The following PRKN variants were observed in gnomAD, a reference collection of about 807,000 sequenced individuals.
PRKN encodes parkin RBR E3 ubiquitin protein ligase, also known as E3 ubiquitin-protein ligase parkin.
In PRKN, 56 loss-of-function variants were observed where a neutral mutation model predicts 59.5. That is an observed-to-expected ratio of 0.94 (90% CI 0.76 to 1.18). The LOEUF is 1.18. Among genes scored for constraint, PRKN ranks in the 50% most tolerant of loss-of-function variants. The pLI is 0.00. For missense variants in PRKN, 657 were observed against 596.4 expected, an observed-to-expected ratio of 1.10 and a Z score of -1.06; for synonymous variants, 250 against 222.1, an observed-to-expected ratio of 1.13 and a Z score of -1.12.
intron 4 of PRKN, among the ~76,000 whole-genome samples, chr6:162,169,615 T>C (rs1783165171): frequency 6.6e-6 from 1 of 152,172 alleles, no homozygotes; most frequent in Non-Finnish European, 1.5e-5. Context: ...GATATGCAGG[T>C]GTAGGAGTTG....
intron 10 of PRKN, among the ~76,000 whole-genome samples, chr6:161,384,194 T>C (rs945221206): frequency 6.6e-6 from 1 of 152,208 alleles, no homozygotes; most frequent in African/African-American, 2.4e-5. Flanking sequence ...TCTTACTCTT[T>C]GTCCCGAGGG....
chr6:162,092,422 G>T (rs181400679), intron 4 of PRKN, among the ~76,000 whole-genome samples: 1 of 152,094 alleles, frequency 6.6e-6, no homozygotes, highest in Non-Finnish European at 1.5e-5. Context: ...TTGTTTTGAC[G>T]AAGTAACATT....
At chr6:162,433,457 A>G (rs924829932) in intron 2 of PRKN, among the ~76,000 whole-genome samples, 7 of 152,178 alleles carry the variant, frequency 4.6e-5, no homozygotes, top group Non-Finnish European at 1.0e-4. Flanking sequence ...ATTTATATAT[A>G]GCAATAAGCA....
intron 9 of PRKN, among the ~76,000 whole-genome samples, chr6:161,512,790 G>A (rs963978077): frequency 6.6e-6 from 1 of 152,182 alleles, no homozygotes; most frequent in Non-Finnish European, 1.5e-5. Context: ...GGCCTCCCTG[G>A]TGCACACAGC....
chr6:162,399,463 C>T (rs1562733678), intron 2 of PRKN, among the ~76,000 whole-genome samples: 1 of 152,012 alleles, frequency 6.6e-6, no homozygotes, highest in African/African-American at 2.4e-5. Context: ...TGCTCTACGC[C>T]CCACCACATA....
chr6:161,795,874 G>A (rs1294405627), intron 6 of PRKN, among the ~76,000 whole-genome samples: 1 of 152,160 alleles, frequency 6.6e-6, no homozygotes, highest in African/African-American at 2.4e-5. Context: ...TTCAGATGGA[G>A]TAAAATTAGG....
chr6:161,621,319 G>A (rs753009479), intron 7 of PRKN, among the ~76,000 whole-genome samples: 5 of 152,184 alleles, frequency 3.3e-5, no homozygotes, highest in East Asian at 1.9e-4. Context: ...GATGCTGGTC[G>A]TGTGGCTCAG....
At chr6:161,861,307 C>T (rs1793887344) in intron 6 of PRKN, among the ~76,000 whole-genome samples, 1 of 152,140 alleles carries the variant, frequency 6.6e-6, no homozygotes, top group African/African-American at 2.4e-5. Context: ...CCATCATTCT[C>T]AGCAAACTAA....
chr6:162,392,959 A>G (rs1787276942), intron 2 of PRKN, among the ~76,000 whole-genome samples: 1 of 151,808 alleles, frequency 6.6e-6, no homozygotes. Context: ...CTAGGCATAT[A>G]AATCAACATC....
chr6:162,573,556 T>A (rs1780438816), intron 1 of PRKN, among the ~76,000 whole-genome samples: 1 of 152,186 alleles, frequency 6.6e-6, no homozygotes, highest in African/African-American at 2.4e-5. Flanking sequence ...TATTTACTCA[T>A]TTTATTTTAG....
chr6:161,977,407 ATCT>A (rs1420722732), intron 5 of PRKN, among the ~76,000 whole-genome samples: 1 of 152,158 alleles, frequency 6.6e-6, no homozygotes, highest in Non-Finnish European at 1.5e-5. Flanking sequence ...GGAAACTCAA[ATCT>A]TCTTTAAGTA....
chr6:161,650,089 G>A (rs927755524), intron 7 of PRKN, among the ~76,000 whole-genome samples: 1 of 152,136 alleles, frequency 6.6e-6, no homozygotes. Context: ...CAGAGGTCAA[G>A]TTATCTCAAC....
intron 1 of PRKN, among the ~76,000 whole-genome samples, chr6:162,638,702 T>C (rs1313157068): frequency 6.6e-6 from 1 of 151,600 alleles, no homozygotes; most frequent in African/African-American, 2.4e-5. Context: ...AGTACTTCCG[T>C]TTGGTATTCT....
intron 1 of PRKN, among the ~76,000 whole-genome samples, chr6:162,585,498 T>C (rs1440504881): frequency 6.6e-6 from 1 of 152,182 alleles, no homozygotes; most frequent in Non-Finnish European, 1.5e-5. Context: ...TCAAGGGTAA[T>C]GCAGGGCATT....
chr6:161,703,839 C>CTTTTT (rs71004062), intron 7 of PRKN, among the ~76,000 whole-genome samples: 18 of 59,856 alleles, frequency 3.0e-4, no homozygotes, highest in South Asian at 7.2e-4. Flanking sequence ...CTCTCTCTCT[C>CTTTTT]TTTTTTTTTT....
chr6:161,664,040 C>G (rs905780525), intron 7 of PRKN, among the ~76,000 whole-genome samples: 2 of 152,338 alleles, frequency 1.3e-5, no homozygotes, highest in Non-Finnish European at 2.9e-5. Flanking sequence ...CCCTAAACCC[C>G]TTTGATTTAT....
chr6:162,217,297 A>T (rs1227681974), intron 3 of PRKN, among the ~76,000 whole-genome samples: 1 of 152,098 alleles, frequency 6.6e-6, no homozygotes, highest in Non-Finnish European at 1.5e-5. Flanking sequence ...AAGCAGAAAA[A>T]CAAACACACA....
intron 1 of PRKN, among the ~76,000 whole-genome samples, chr6:162,711,592 C>G (rs1404127995): frequency 6.6e-6 from 1 of 152,140 alleles, no homozygotes; most frequent in Admixed American, 6.5e-5. Context: ...ATAGGCTTCT[C>G]CTGCCTCCCA....
intron 6 of PRKN, among the ~76,000 whole-genome samples, chr6:161,962,576 T>C (rs1472000184): frequency 6.6e-6 from 1 of 150,566 alleles, no homozygotes; most frequent in Non-Finnish European, 1.5e-5. Context: ...AGTCTCGCTC[T>C]GTCATCCAGG....
Sources: gnomAD v4.1 joint callset for allele counts (sites outside exome capture counted in the v4.1 genomes callset) on GRCh38, gnomAD v4.1.1 for gene constraint, MANE v1.5 for transcripts, NCBI Gene and HGNC (gene_info 2026-07-23, HGNC 2026-07-21) for gene names.